ARHGAP6: variants seen among roughly 807,000 people sequenced by gnomAD.
ARHGAP6 encodes the protein rho GTPase-activating protein 6.
ARHGAP6 carries 16 observed loss-of-function variants against 55.7 expected under a neutral mutation model. The observed-to-expected ratio is 0.29, with a 90% confidence interval of 0.19 to 0.44. The LOEUF is 0.44. Among genes scored for constraint, ARHGAP6 ranks in the 20% least tolerant of loss-of-function variants. The pLI, the probability that ARHGAP6 is intolerant of heterozygous loss-of-function variation, is 1.00. For missense variants in ARHGAP6, 698 were observed against 808.9 expected (o/e 0.86, Z 1.66); for synonymous variants, 382 against 360.9 (o/e 1.06, Z -0.66).
At chrX:11,598,670 A>G (rs2051933072) in intron 1 of ARHGAP6, among the ~76,000 whole-genome samples, 1 of 112,804 alleles carries the variant, frequency 8.9e-6, no homozygotes, top group South Asian at 3.6e-4. Context: ...GTTGCTGCAA[A>G]GGACGTGACT....
intron 1 of ARHGAP6, among the ~76,000 whole-genome samples, chrX:11,433,271 G>A (rs184524938): frequency 3.6e-5 from 4 of 112,259 alleles, no homozygotes; most frequent in East Asian, 2.8e-4. Context: ...ATGATAATCC[G>A]AGAATTCAGG....
intron 1 of ARHGAP6, among the ~76,000 whole-genome samples, chrX:11,489,288 G>A (rs1236553298): frequency 8.9e-6 from 1 of 111,875 alleles, no homozygotes; most frequent in East Asian, 2.8e-4. Flanking sequence ...ATTAGGAGAT[G>A]GCTGAGTCAA....
chrX:11,320,498 G>A (rs2048418247), intron 1 of ARHGAP6, among the ~76,000 whole-genome samples: 1 of 111,135 alleles, frequency 9.0e-6, no homozygotes, highest in African/African-American at 3.3e-5. Context: ...GCAAAAGGCG[G>A]ACATTGAAAA....
chrX:11,177,937 G>A (rs942452986), intron 8 of ARHGAP6, among the ~76,000 whole-genome samples, 163 bp downstream of exon 8: 2 of 111,581 alleles, frequency 1.8e-5, no homozygotes, highest in Non-Finnish European at 3.8e-5. Context: ...TAGGAACTGT[G>A]CCTCCAGAGA....
At chrX:11,387,715 C>A (rs1275811785) in intron 1 of ARHGAP6, among the ~76,000 whole-genome samples, 2 of 110,916 alleles carry the variant, frequency 1.8e-5, no homozygotes, top group African/African-American at 6.6e-5. Context: ...TCCCCCACCC[C>A]ACAACAGGCC....
At chrX:11,524,838 C>T (rs1366831822) in intron 1 of ARHGAP6, among the ~76,000 whole-genome samples, 1 of 111,176 alleles carries the variant, frequency 9.0e-6, no homozygotes, top group African/African-American at 3.3e-5. Context: ...TCAGTAGGAG[C>T]CCTGAGCTTG....
chrX:11,429,115 G>T (rs891254726), intron 1 of ARHGAP6, among the ~76,000 whole-genome samples: 1 of 112,495 alleles, frequency 8.9e-6, no homozygotes, highest in South Asian at 3.7e-4. Flanking sequence ...GCACATGATG[G>T]AATACTATTC....
chrX:11,329,211 G>A lies in ARHGAP6; in HGVS notation c.589-74504C>T, dbSNP rs749475183. Among the ~76,000 whole-genome samples the A allele has an allele frequency of 2.7e-5, 3 of 111,890 alleles. No individual in the cohort carries two copies. In the South Asian group the frequency reaches 1.1e-3, roughly 42 times the overall value. ...GTTATGAGATCATTATGGGAAGTTC[G>A]TGAACCTGGTGCTAGAGAGATGATT... On this transcript the variant is annotated intron_variant, in intron 1 of 12. Transcript: ENST00000337414.
At chrX:11,401,622 T>A (rs942709291) in intron 1 of ARHGAP6, among the ~76,000 whole-genome samples, 1 of 110,972 alleles carries the variant, frequency 9.0e-6, no homozygotes, top group African/African-American at 3.3e-5. Flanking sequence ...GAGGGCAAAA[T>A]TGCCCCCAGT....
intron 9 of ARHGAP6, among the ~76,000 whole-genome samples, chrX:11,165,689 T>C (rs1325452168): frequency 8.9e-6 from 1 of 111,878 alleles, no homozygotes; most frequent in East Asian, 2.8e-4. Flanking sequence ...AGCAGGGATT[T>C]GAATTTTGGT....
intron 1 of ARHGAP6, among the ~76,000 whole-genome samples, chrX:11,542,556 G>A (rs2051169595): frequency 9.0e-6 from 1 of 110,975 alleles, no homozygotes; most frequent in African/African-American, 3.3e-5. Context: ...GGTCAATAGA[G>A]TCAGAAGAGG....
chrX:11,417,193 T>C (rs1342455281), intron 1 of ARHGAP6, among the ~76,000 whole-genome samples: 1 of 102,243 alleles, frequency 9.8e-6, no homozygotes, highest in East Asian at 3.0e-4. Context: ...TTTCTTCTGT[T>C]ATGTTTATGG....
intron 1 of ARHGAP6, among the ~76,000 whole-genome samples, chrX:11,429,526 A>G (rs931775804): frequency 8.9e-6 from 1 of 112,517 alleles, no homozygotes; most frequent in African/African-American, 3.2e-5. Context: ...AAAAATAAAA[A>G]TAAATTTAAA....
intron 1 of ARHGAP6, among the ~76,000 whole-genome samples, chrX:11,280,409 A>G (rs1190023811): frequency 9.0e-6 from 1 of 111,712 alleles, no homozygotes; most frequent in Non-Finnish European, 1.9e-5. Flanking sequence ...CAGTGGATAC[A>G]TGAAAGAGGC....
intron 1 of ARHGAP6, among the ~76,000 whole-genome samples, chrX:11,260,300 A>G (rs1224510682): frequency 2.7e-5 from 3 of 111,606 alleles, no homozygotes; most frequent in African/African-American, 9.8e-5. Context: ...TATGGCAGCA[A>G]TAGGAAATGA....
At chrX:11,503,041 G>A (rs1043160247) in intron 1 of ARHGAP6, among the ~76,000 whole-genome samples, 3 of 110,478 alleles carry the variant, frequency 2.7e-5, no homozygotes, top group Non-Finnish European at 3.8e-5. Flanking sequence ...GATTACAGAC[G>A]TGCGCCACCA....
At chrX:11,528,549 G>A (rs1275846975) in intron 1 of ARHGAP6, among the ~76,000 whole-genome samples, 2 of 112,164 alleles carry the variant, frequency 1.8e-5, no homozygotes, top group Admixed American at 1.9e-4. Context: ...CTATAGCAAA[G>A]GTTGCTTGTC....
intron 1 of ARHGAP6, among the ~76,000 whole-genome samples, chrX:11,401,435 G>C (rs948786749): frequency 9.0e-6 from 1 of 111,602 alleles, no homozygotes; most frequent in African/African-American, 3.3e-5. Flanking sequence ...TAGACATTTG[G>C]GTCTGGATAA....
rs910292532 is a variant in ARHGAP6, at chrX:11,211,423, G to T, written c.749-14427C>A. Among the ~76,000 whole-genome samples, 35 of 109,539 alleles carry T rather than the reference G, an allele frequency of 3.2e-4. 1 individual carries two copies. Among genetic ancestry groups the T allele is most frequent in the African/African-American group, 1.2e-3 (35 of 30,006 alleles). On this transcript the variant is annotated intron_variant, in intron 2 of 12. Coordinates refer to ENST00000337414, the MANE Select transcript of ARHGAP6 (RefSeq NM_013427.3). ...TTTTTTGTATTTTTAGTAGAGACGG[G>T]GTTTCACCGTATTAGCCAGGATGTT...
Sources: allele counts gnomAD v4.1 joint callset (sites outside exome capture counted in the v4.1 genomes callset), GRCh38; gene constraint gnomAD v4.1.1; transcripts MANE v1.5; gene names NCBI Gene and HGNC (gene_info 2026-07-23, HGNC 2026-07-21).